SPATA13: variants seen among roughly 807,000 people sequenced by gnomAD.
SPATA13 encodes spermatogenesis associated 13.
SPATA13 carries 50 observed loss-of-function variants against 104.0 expected under a neutral mutation model. The ratio of observed to expected loss-of-function variants is 0.48; its 90% CI spans 0.38 to 0.61. The LOEUF (loss-of-function observed/expected upper bound fraction) is 0.61. Among genes scored for constraint, SPATA13 ranks in the 20% least tolerant of loss-of-function variants. The probability of loss-of-function intolerance (pLI) is 0.00; values close to 1 mark genes in which losing one functional copy is unlikely to be tolerated. For missense variants in SPATA13, 1,524 were observed against 1,690.6 expected, an observed-to-expected ratio of 0.90 and a Z score of 1.73; for synonymous variants, 606 against 667.5, an observed-to-expected ratio of 0.91 and a Z score of 1.42.
chr13:24,055,845 G>A (rs1878522331), intron 3 of SPATA13, among the ~76,000 whole-genome samples: 1 of 152,196 alleles, frequency 6.6e-6, no homozygotes, highest in South Asian at 2.1e-4. Context: ...CTCATTGGCC[G>A]AGGAGTCCAA....
At chr13:24,173,278 C>T (rs1386416319) in intron 1 of SPATA13, among the ~76,000 whole-genome samples, 2 of 151,684 alleles carry the variant, frequency 1.3e-5, no homozygotes, top group African/African-American at 4.9e-5. Context: ...GGGGTTTTGC[C>T]ATGTTAGCCG....
intron 3 of SPATA13, among the ~76,000 whole-genome samples, chr13:24,060,022 A>T (rs777748024): frequency 2.6e-5 from 4 of 152,164 alleles, no homozygotes; most frequent in Non-Finnish European, 4.4e-5. Context: ...TGTTCCTTCA[A>T]TACCTGGTTT....
chr13:24,058,247 ACT>A, intron 3 of SPATA13, among the ~76,000 whole-genome samples: 1 of 151,500 alleles, frequency 6.6e-6, no homozygotes, highest in East Asian at 1.9e-4. Context: ...AGTGTTGAAA[ACT>A]CTCTACGTGA....
intron 3 of SPATA13, among the ~76,000 whole-genome samples, chr13:24,067,459 A>G (rs9511031): frequency 0.44 from 67,208 of 152,054 alleles, 15,078 homozygotes; most frequent in Middle Eastern, 0.52. Context: ...CTACTTTTCC[A>G]TCAAATACCA....
intron 1 of SPATA13, among the ~76,000 whole-genome samples, chr13:24,171,213 G>T (rs553328606): frequency 6.6e-6 from 1 of 152,262 alleles, no homozygotes; most frequent in South Asian, 2.1e-4. Context: ...AATGGCTGTC[G>T]TGCCATCTGA....
chr13:24,082,518 C>T (rs1224231663), intron 3 of SPATA13, among the ~76,000 whole-genome samples: 1 of 152,068 alleles, frequency 6.6e-6, no homozygotes, highest in African/African-American at 2.4e-5. Context: ...CAACTACAGC[C>T]AAAATAAAAA....
chr13:24,114,105 T>C (rs1880746256), intron 3 of SPATA13, among the ~76,000 whole-genome samples: 2 of 152,162 alleles, frequency 1.3e-5, no homozygotes, highest in Admixed American at 1.3e-4. Context: ...TCATATGCAG[T>C]GTAGAAGGAC....
At chr13:24,228,770 T>G (rs1872094061) in intron 2 of SPATA13, among the ~76,000 whole-genome samples, 1 of 152,250 alleles carries the variant, frequency 6.6e-6, no homozygotes, top group African/African-American at 2.4e-5. Context: ...AAATTTAAAC[T>G]TATTGTTGAA....
rs898567626 is a variant in SPATA13 at position 24,223,341 on chromosome 13, G to A, written c.412G>A (p.Glu138Lys). 7 of 1,551,308 alleles carry A rather than the reference G, an allele frequency of 4.5e-6. No homozygotes were observed. Among genetic ancestry groups the A allele is most frequent in the Non-Finnish European group, 6.1e-6 (7 of 1,147,010 alleles). ...GGGGTCAAATGCCTGTTCAAAGGGAGAGGCTTCGGAGCATGGCCTGGGAAA... is the reference window on the plus strand; with the variant it reads ...GGGGTCAAATGCCTGTTCAAAGGGAAAGGCTTCGGAGCATGGCCTGGGAAA... Reference protein sequence around the residue: ...REGSNACSKGEASEHGLGKSI... With the variant: ...REGSNACSKGKASEHGLGKSI... The change falls in exon 2 of 13, where the codon GAG becomes AAG. Residue 138 changes from glutamate to lysine, a missense_variant. Transcript: ENST00000382108.
At chr13:24,203,971 C>A (rs550367942) in intron 1 of SPATA13, among the ~76,000 whole-genome samples, 50 of 152,210 alleles carry the variant, frequency 3.3e-4, no homozygotes, top group South Asian at 1.5e-3. Flanking sequence ...AGTGAGGGTG[C>A]CTCAGTCATG....
Position 24,302,583 on chromosome 13 carries a change from C to G in SPATA13, c.3659-15C>G. The G allele has an allele frequency of 6.4e-7, 1 of 1,571,938 alleles. No homozygotes were observed. The highest frequency in any genetic ancestry group is 2.3e-5 in the East Asian group (1 of 44,350). On this transcript the variant is annotated splice_polypyrimidine_tract_variant and intron_variant, in intron 12 of 12. Transcript: ENST00000382108. ...CCCTCAGTCCCTGTTCCATCTCTCT[C>G]CCCTCCCGAGTCAGGCTACAACAGG...
At chr13:24,064,393 T>C (rs1013828992) in intron 3 of SPATA13, among the ~76,000 whole-genome samples, 1 of 152,086 alleles carries the variant, frequency 6.6e-6, no homozygotes, top group East Asian at 1.9e-4. Context: ...GGACTAAATG[T>C]TTTTGTCTCC....
At chr13:23,991,772 G>A (rs1323531461) in intron 2 of SPATA13, among the ~76,000 whole-genome samples, 1 of 152,058 alleles carries the variant, frequency 6.6e-6, no homozygotes, top group East Asian at 1.9e-4. Context: ...ATCAGATTAG[G>A]GAGACTCTGA....
At position 24,161,030 on chromosome 13, in the gene SPATA13, G is replaced by A; in HGVS notation, c.-112+98G>A. On this transcript the variant is annotated intron_variant, in intron 1 of 12. Transcript: ENST00000382108. The surrounding 1 kb of genome is among the most constrained non-coding windows in gnomAD (Gnocchi z 4.5). ...ATTTGAGTCCCAGTGGACTGCCTCG[G>A]GGCTTCGGGATGTCCAGCTCCCAGC... The A allele has an allele frequency of 1.3e-6, 1 of 752,744 alleles. No homozygotes were observed. Among genetic ancestry groups the A allele is most frequent in the Non-Finnish European group, 1.6e-6 (1 of 616,982 alleles). 46.6% of individuals were successfully genotyped at this position (752,744 alleles called of 1,614,324 possible).
chr13:24,251,377 T>G (rs1013396685), intron 3 of SPATA13: 2 of 760,434 alleles, frequency 2.6e-6, no homozygotes, highest in Non-Finnish European at 3.2e-6. Context: ...CTTCTTACCC[T>G]TGTGACCCTG....
intron 1 of SPATA13, among the ~76,000 whole-genome samples, chr13:24,219,728 G>A (rs912987098): frequency 6.6e-6 from 1 of 152,198 alleles, no homozygotes; most frequent in African/African-American, 2.4e-5. Context: ...GGCTCAGGAA[G>A]GAATTCCTGG....
At chr13:23,996,628 G>T (rs993112638) in intron 2 of SPATA13, among the ~76,000 whole-genome samples, 1 of 150,266 alleles carries the variant, frequency 6.7e-6, no homozygotes, top group Non-Finnish European at 1.5e-5. Flanking sequence ...GATTGGCTGA[G>T]ATTTGGCTAC....
In SPATA13 at chr13:24,285,008, C is replaced by CT. The variant is rs893940226; in HGVS notation, c.2301+746dup. ...TCCTTTGGCCACCCTGCAGCTTTAG[C>CT]TTTTTTTTTAGGAAATCATTCTGGA... On this transcript the variant is annotated intron_variant, in intron 5 of 12. Coordinates refer to ENST00000382108, the MANE Select transcript of SPATA13 (RefSeq NM_001166271.3). Among the ~76,000 whole-genome samples, 15 of 151,156 alleles carry CT rather than the reference C, an allele frequency of 9.9e-5. No individual in the cohort carries two copies. In the East Asian group the frequency reaches 1.4e-3, roughly 14 times the overall value.
At chr13:24,135,697 C>CAAAAAAA (rs34145507) in intron 3 of SPATA13, among the ~76,000 whole-genome samples, 2 of 82,328 alleles carry the variant, frequency 2.4e-5, no homozygotes, top group Non-Finnish European at 4.7e-5. Flanking sequence ...GAATCCGTCT[C>CAAAAAAA]AAAAAAAAAA....
Sources: gnomAD v4.1 joint callset for allele counts (sites outside exome capture counted in the v4.1 genomes callset) on GRCh38, gnomAD v4.1.1 for gene constraint, Gnocchi (gnomAD v3.1) non-coding constraint, MANE v1.5 for transcripts, NCBI Gene and HGNC (gene_info 2026-07-23, HGNC 2026-07-21) for gene names.